LEPR: variants seen among roughly 807,000 people sequenced by gnomAD.
The protein encoded by LEPR is OB receptor.
Under a neutral mutation model 114.7 loss-of-function variants are expected in LEPR, and 56 were observed. The observed-to-expected ratio is 0.49, with a 90% CI of 0.39 to 0.61. LEPR has a LOEUF of 0.61. Ranked by LOEUF, LEPR falls within the 20% of genes least tolerant of loss-of-function variation. The pLI, the probability that LEPR is intolerant of heterozygous loss-of-function variation, is 0.00. For synonymous variants in LEPR, 443 were observed against 461.4 expected (o/e 0.96, Z 0.51); for missense variants, 1,202 against 1,352.9 (o/e 0.89, Z 1.75).
At chr1:65,526,008 G>T in intron 2 of LEPR, 1 of 786,444 alleles carries the variant, frequency 1.3e-6, no homozygotes, top group Non-Finnish European at 1.5e-6. Flanking sequence ...GGGTGGGGTG[G>T]GTGCGACGCC....
At chr1:65,456,040 A>G (rs1323961141) in intron 2 of LEPR, among the ~76,000 whole-genome samples, 3 of 151,968 alleles carry the variant, frequency 2.0e-5, no homozygotes, top group Non-Finnish European at 4.4e-5. Flanking sequence ...GAGTGACCCG[A>G]TTTTCCAGGT....
chr1:65,452,426 A>C (rs1187235507), intron 2 of LEPR, among the ~76,000 whole-genome samples: 1 of 151,184 alleles, frequency 6.6e-6, no homozygotes, highest in Non-Finnish European at 1.5e-5. Context: ...TGTCATAGAT[A>C]GCTCTTATTA....
intron 2 of LEPR, among the ~76,000 whole-genome samples, chr1:65,488,542 T>G: frequency 6.6e-6 from 1 of 151,690 alleles, no homozygotes; most frequent in East Asian, 1.9e-4. Flanking sequence ...TTGCCCAGGT[T>G]GGTGTCAAAC....
chr1:65,513,034 C>T (rs1415213282), intron 2 of LEPR, among the ~76,000 whole-genome samples: 1 of 152,206 alleles, frequency 6.6e-6, no homozygotes, highest in Non-Finnish European at 1.5e-5. Flanking sequence ...TTGACTCTTA[C>T]AGCATGGTGC....
At chr1:65,500,851 G>T (rs932838815) in intron 2 of LEPR, among the ~76,000 whole-genome samples, 1 of 152,068 alleles carries the variant, frequency 6.6e-6, no homozygotes, top group Non-Finnish European at 1.5e-5. Context: ...CACTTTGAAA[G>T]GTTATTCTTT....
chr1:65,436,139 C>A, intron 2 of LEPR: 1 of 877,886 alleles, frequency 1.1e-6, no homozygotes, highest in Non-Finnish European at 1.4e-6. Context: ...TGAATCTGAC[C>A]AGTTTGAAGC....
At chr1:65,564,681 G>A (rs1478036271) in intron 2 of LEPR, among the ~76,000 whole-genome samples, 1 of 152,156 alleles carries the variant, frequency 6.6e-6, no homozygotes, top group East Asian at 1.9e-4. Context: ...AGGGGTTGTA[G>A]AGACCATCTA....
At position 65,457,134 on chromosome 1, in the gene LEPR, G is replaced by A. The variant is rs537597154; in HGVS notation, c.-21+31756G>A. 2.0e-5 allele frequency among the ~76,000 whole-genome samples: 3 copies of A among 152,114 alleles called. No individual in the cohort carries two copies. In the South Asian group the frequency reaches 6.2e-4, roughly 32 times the overall value. The stretch of plus-strand genomic sequence containing the variant: ...TCCTCCTATCCCTTGTGTCAATGCT[G>A]TTATTCATTTTACTTATATGTAAGC... On this transcript the variant is annotated intron_variant, in intron 2 of 19. Transcript: ENST00000349533.
At chr1:65,604,963 A>G (rs1308951483) in intron 10 of LEPR, 75 bp from the exon 11 acceptor site, 1 of 1,578,550 alleles carries the variant, frequency 6.3e-7, no homozygotes, top group Admixed American at 1.7e-5. Flanking sequence ...TTTAAACAAC[A>G]AATCAGAATT....
At chr1:65,626,408 A>T (rs1451300982) in intron 19 of LEPR, 4 of 716,542 alleles carry the variant, frequency 5.6e-6, no homozygotes, top group Non-Finnish European at 6.8e-6. Flanking sequence ...TGACTTTCTA[A>T]TCTTATAAAT....
intron 11 of LEPR, among the ~76,000 whole-genome samples, chr1:65,607,526 T>G (rs966149203): frequency 3.3e-5 from 5 of 152,222 alleles, no homozygotes; most frequent in African/African-American, 1.2e-4. Flanking sequence ...ACTTAATATT[T>G]TTAACAACTG....
chr1:65,547,493 T>C (rs951451501), intron 2 of LEPR, among the ~76,000 whole-genome samples: 9 of 151,898 alleles, frequency 5.9e-5, no homozygotes, highest in Middle Eastern at 3.2e-3. Flanking sequence ...GATCCTGTTA[T>C]TGGTCTATTC....
At chr1:65,540,496 C>T (rs182191804) in intron 2 of LEPR, among the ~76,000 whole-genome samples, 1 of 152,242 alleles carries the variant, frequency 6.6e-6, no homozygotes, top group East Asian at 1.9e-4. Flanking sequence ...TCCACCCTCT[C>T]TTGCTCCCCC....
chr1:65,553,254 G>A (rs1379866710), intron 2 of LEPR, among the ~76,000 whole-genome samples: 7 of 152,122 alleles, frequency 4.6e-5, no homozygotes, highest in Admixed American at 1.3e-4. Flanking sequence ...GAATTTGAAT[G>A]TTGGCCTGTC....
At chr1:65,590,942 T>C (rs1655656091) in intron 5 of LEPR, among the ~76,000 whole-genome samples, 1 of 152,042 alleles carries the variant, frequency 6.6e-6, no homozygotes, top group African/African-American at 2.4e-5. Context: ...CTGAGACTTT[T>C]CTTTTTTTCT....
At chr1:65,557,133 A>G (rs1309576552) in intron 2 of LEPR, among the ~76,000 whole-genome samples, 1 of 152,172 alleles carries the variant, frequency 6.6e-6, no homozygotes, top group Admixed American at 6.5e-5. Flanking sequence ...TGGTATTATT[A>G]GGATGTTCAT....
At chr1:65,616,806 A>G (rs1188068139) in intron 15 of LEPR, among the ~76,000 whole-genome samples, 1 of 152,118 alleles carries the variant, frequency 6.6e-6, no homozygotes, top group Admixed American at 6.5e-5. Context: ...TCTAGATTAC[A>G]TATTCAAAGT....
intron 14 of LEPR, among the ~76,000 whole-genome samples, chr1:65,610,620 G>A (rs1657105272): frequency 6.6e-6 from 1 of 152,128 alleles, no homozygotes; most frequent in African/African-American, 2.4e-5. Flanking sequence ...GTGTTTCTTG[G>A]AGTCTAAAAA....
intron 19 of LEPR, among the ~76,000 whole-genome samples, chr1:65,625,268 G>C (rs1028521794): frequency 6.6e-6 from 1 of 152,038 alleles, no homozygotes; most frequent in African/African-American, 2.4e-5. Context: ...AGAGTGGCTG[G>C]GTTGAAAGTA....
Sources: allele counts gnomAD v4.1 joint callset (sites outside exome capture counted in the v4.1 genomes callset), GRCh38; gene constraint gnomAD v4.1.1; transcripts MANE v1.5; gene names NCBI Gene and HGNC (gene_info 2026-07-23, HGNC 2026-07-21).